The following CHEK1 variants were observed in gnomAD, a reference collection of about 807,000 sequenced individuals.
CHEK1 encodes the protein serine/threonine-protein kinase Chk1.
CHEK1 carries 32 observed loss-of-function variants against 60.2 expected under a neutral mutation model. The ratio of observed to expected loss-of-function variants is 0.53; its 90% CI spans 0.40 to 0.71. The LOEUF is 0.71. Among genes scored for constraint, CHEK1 ranks in the 30% least tolerant of loss-of-function variants. The probability of loss-of-function intolerance (pLI) is 0.00; values close to 1 mark genes in which losing one functional copy is unlikely to be tolerated. For synonymous variants in CHEK1, 179 were observed against 187.2 expected, an observed-to-expected ratio of 0.96 and a Z score of 0.36; for missense variants, 399 against 564.6, an observed-to-expected ratio of 0.71 and a Z score of 2.97.
intron 6 of CHEK1, 30 bp from the exon 7 acceptor site, chr11:125,635,399 T>A (rs1390134993): frequency 7.2e-5 from 96 of 1,333,880 alleles, no homozygotes; most frequent in Non-Finnish European, 9.5e-5. Context: ...TAAGAACATT[T>A]AAAAAAACTG....
chr11:125,655,647 G>A lies in CHEK1; in HGVS notation c.*327G>A, dbSNP rs1040471427. On this transcript the variant is annotated 3_prime_UTR_variant, in exon 13 of 13. Coordinates refer to ENST00000438015, the MANE Select transcript of CHEK1 (RefSeq NM_001114122.3). Reference sequence around the variant, plus strand: ...TGAGTTTTCCAGCTTTTATACACACGTATCTCATTTTTATCAAAACATTTT... The same window carrying A: ...TGAGTTTTCCAGCTTTTATACACACATATCTCATTTTTATCAAAACATTTT... 3 of 244,144 alleles carry A rather than the reference G, an allele frequency of 1.2e-5. No individual in the cohort carries two copies. The highest frequency in any genetic ancestry group is 4.4e-5 in the African/African-American group (2 of 45,446). The allele number at this position is 244,144 out of a possible 1,614,324, so 15.1% of individuals were successfully genotyped here.
downstream of CHEK1, among the ~76,000 whole-genome samples, chr11:125,659,772 A>G (rs936594844): frequency 4.6e-5 from 7 of 152,182 alleles, no homozygotes; most frequent in African/African-American, 1.7e-4. Context: ...GGTTTTTAGT[A>G]TGTTCATAAA....
At chr11:125,679,164 T>TA (rs1160145317), downstream of CHEK1, among the ~76,000 whole-genome samples, 2 of 150,284 alleles carry the variant, frequency 1.3e-5, no homozygotes, top group Non-Finnish European at 1.5e-5. Context: ...ACAAAACTCT[T>TA]ACATGGTTAT....
At chr11:125,680,848 G>T, downstream of CHEK1, 1 of 1,320,130 alleles carries the variant, frequency 7.6e-7, no homozygotes, top group Non-Finnish European at 1.1e-6. Flanking sequence ...GAAGCAAACT[G>T]CGAGCAAAAG....
intron 13 of CHEK1, among the ~76,000 whole-genome samples, chr11:125,666,962 T>A (rs1215598967): frequency 6.6e-6 from 1 of 151,436 alleles, no homozygotes; most frequent in African/African-American, 2.4e-5. Flanking sequence ...TTGTTGTTGT[T>A]GTTGTTGTTT....
chr11:125,625,944 A>T lies in CHEK1; in HGVS notation c.-89A>T, dbSNP rs969138439. On this transcript the variant is annotated 5_prime_UTR_variant, in exon 1 of 13. Transcript: ENST00000438015. ...GGGTGCGCGAGTTTGCGGCAGCGTG[A>T]CGCCCTCAAGTTTTGGCGGGAAAAG... 87 of 702,596 alleles carry T rather than the reference A, an allele frequency of 1.2e-4. No individual in the cohort carries two copies. The highest frequency in any genetic ancestry group is 1.9e-4 in the Non-Finnish European group (74 of 384,990). 43.5% of individuals were successfully genotyped at this position (702,596 alleles called of 1,614,324 possible).
At chr11:125,642,028 ATTG>A (rs1490256755) in intron 8 of CHEK1, among the ~76,000 whole-genome samples, 1 of 151,222 alleles carries the variant, frequency 6.6e-6, no homozygotes. Context: ...CCTTGGTCAT[ATTG>A]TTGTTCTTCT....
At chr11:125,634,985 T>A (rs1020810147) in intron 6 of CHEK1, among the ~76,000 whole-genome samples, 8 of 150,940 alleles carry the variant, frequency 5.3e-5, no homozygotes, top group Non-Finnish European at 7.4e-5. Context: ...TGAGACAAAG[T>A]CTTGCTCTGT....
chr11:125,672,460 G>T, intron 13 of CHEK1: 2 of 1,002,904 alleles, frequency 2.0e-6, no homozygotes, highest in Non-Finnish European at 2.9e-6. Flanking sequence ...TAGGATGTTT[G>T]AGCATCCTAA....
At chr11:125,640,799 C>CA (rs2136016255) in intron 8 of CHEK1, among the ~76,000 whole-genome samples, 1 of 151,952 alleles carries the variant, frequency 6.6e-6, no homozygotes, top group South Asian at 2.1e-4. Context: ...ACCAAAAATA[C>CA]AAAAATTAGC....
chr11:125,645,109 ATTTTG>A (rs1310554880), intron 11 of CHEK1, among the ~76,000 whole-genome samples: 3 of 152,056 alleles, frequency 2.0e-5, no homozygotes, highest in African/African-American at 7.2e-5. Flanking sequence ...ACTTTTTTTT[ATTTTG>A]TTTTATTTTT....
intron 5 of CHEK1, among the ~76,000 whole-genome samples, chr11:125,631,798 G>C (rs1940870102): frequency 6.8e-6 from 1 of 146,350 alleles, no homozygotes; most frequent in South Asian, 2.1e-4. Context: ...GGAGGTCAAG[G>C]CTGCAGTAAG....
At position 125,625,648 on chromosome 11, in the gene CHEK1, G is replaced by C. The variant is rs1308884504; in HGVS notation, c.-385G>C. The C allele has an allele frequency of 1.7e-6, 1 of 595,316 alleles. No individual in the cohort carries two copies. Among genetic ancestry groups the C allele is most frequent in the Non-Finnish European group, 3.0e-6 (1 of 332,616 alleles). The allele number at this position is 595,316 out of a possible 1,614,324, so 36.9% of individuals were successfully genotyped here. A position where few individuals can be genotyped will look rare whatever the true frequency, so the allele number is the denominator to read the frequency against. ...CTGGAAGCGCAGCGCGGTCGGTCGC[G>C]CGCCCCTGAGGCTTGGAGGCCTGGG... On this transcript the variant is annotated 5_prime_UTR_variant, in exon 1 of 13. Transcript: ENST00000438015.
At chr11:125,658,685 CTTTTTTTTTTTTTTT>C (rs67342073), downstream of CHEK1, among the ~76,000 whole-genome samples, 1 of 34,880 alleles carries the variant, frequency 2.9e-5, no homozygotes, top group Non-Finnish European at 4.9e-5. Flanking sequence ...ATGGCTTTTG[CTTTTTTTTTTTTTTT>C]TTTTTTTTTT....
chr11:125,637,328 C>G, intron 7 of CHEK1, 121 bp from the exon 8 acceptor site: 1 of 627,124 alleles, frequency 1.6e-6, no homozygotes, highest in Non-Finnish European at 2.5e-6. Flanking sequence ...TTAATTCTTT[C>G]TCTTCCCCAG....
At chr11:125,626,682 G>T (rs1043584615) in intron 1 of CHEK1, 67 bp from the exon 2 acceptor site, 4 of 1,425,744 alleles carry the variant, frequency 2.8e-6, no homozygotes, top group Non-Finnish European at 3.0e-6. Flanking sequence ...CTGGGGAGAG[G>T]CGGGGCTCAG....
chr11:125,648,419 A>G (rs542850738), intron 11 of CHEK1, among the ~76,000 whole-genome samples: 37 of 152,166 alleles, frequency 2.4e-4, no homozygotes, highest in Admixed American at 9.8e-4. Flanking sequence ...CGTCTCTACT[A>G]AAAATACAAA....
chr11:125,675,185 G>T (rs1942433102), intron 13 of CHEK1, among the ~76,000 whole-genome samples: 1 of 152,162 alleles, frequency 6.6e-6, no homozygotes, highest in Non-Finnish European at 1.5e-5. Flanking sequence ...GTACAAACAA[G>T]ATTGAGAACT....
chr11:125,661,116 C>T (rs369867383), downstream of CHEK1, among the ~76,000 whole-genome samples: 1 of 152,180 alleles, frequency 6.6e-6, no homozygotes, highest in South Asian at 2.1e-4. Context: ...TTTTCTAAAT[C>T]ATATAAAATG....
Sources: allele counts gnomAD v4.1 joint callset (sites outside exome capture counted in the v4.1 genomes callset), GRCh38; gene constraint gnomAD v4.1.1; transcripts MANE v1.5; gene names NCBI Gene and HGNC (gene_info 2026-07-23, HGNC 2026-07-21).